The following EYS variants were observed in gnomAD, a reference collection of about 807,000 sequenced individuals.
EYS encodes the protein protein eyes shut homolog.
Under a neutral mutation model 282.1 loss-of-function variants are expected in EYS, and 250 were observed. The ratio of observed to expected loss-of-function variants is 0.89; its 90% CI spans 0.80 to 0.98. The LOEUF is 0.98. EYS is among the 50% of genes least tolerant of loss of function. EYS has a pLI of 0.00. For synonymous variants in EYS, 1,355 were observed against 1,282.9 expected (o/e 1.06, Z -1.20); for missense variants, 4,016 against 3,709.0 (o/e 1.08, Z -2.15).
intron 29 of EYS, among the ~76,000 whole-genome samples, chr6:64,374,323 G>T (rs905606152): frequency 6.6e-6 from 1 of 152,004 alleles, no homozygotes; most frequent in Non-Finnish European, 1.5e-5. Flanking sequence ...AGGCTTTGTG[G>T]CCCAAGGCTT....
At chr6:64,944,992 G>A (rs868182282) in intron 15 of EYS, among the ~76,000 whole-genome samples, 1 of 151,722 alleles carries the variant, frequency 6.6e-6, no homozygotes, top group African/African-American at 2.4e-5. Flanking sequence ...TTATCACCCT[G>A]CCCTCCTACT....
intron 22 of EYS, among the ~76,000 whole-genome samples, chr6:64,689,299 C>G (rs1770280780): frequency 6.6e-6 from 1 of 152,094 alleles, no homozygotes; most frequent in Admixed American, 6.6e-5. Context: ...GAACTACAAA[C>G]CACTGCTCAA....
At chr6:65,334,197 C>G (rs1342561199) in intron 11 of EYS, among the ~76,000 whole-genome samples, 2 of 151,420 alleles carry the variant, frequency 1.3e-5, no homozygotes, top group Admixed American at 6.6e-5. Flanking sequence ...GTATTTTTTT[C>G]ATTGTAATTA....
chr6:64,707,717 G>C (rs1330769393), intron 22 of EYS, among the ~76,000 whole-genome samples: 2 of 149,964 alleles, frequency 1.3e-5, no homozygotes, highest in African/African-American at 2.4e-5. Flanking sequence ...CACTGCTTGG[G>C]TGATGGATGC....
At chr6:65,396,258 T>C (rs1236148489) in intron 7 of EYS, among the ~76,000 whole-genome samples, 1 of 152,208 alleles carries the variant, frequency 6.6e-6, no homozygotes, top group East Asian at 1.9e-4. Flanking sequence ...GTATGCTCTA[T>C]ACTACCATAA....
intron 11 of EYS, among the ~76,000 whole-genome samples, chr6:65,314,895 C>T (rs190690088): frequency 6.6e-6 from 1 of 152,138 alleles, no homozygotes; most frequent in African/African-American, 2.4e-5. Context: ...TTCTCCAAAG[C>T]CTGGTCAAAA....
In EYS at chr6:64,306,529, A is replaced by T. The variant is rs535339500; in HGVS notation, c.6191+441T>A. ...CAAAGCCATGTTTGGAGATTTCTGT[A>T]TCCAGAAGCAGAGTCTGAAAGAAAT... On this transcript the variant is annotated intron_variant, in intron 30 of 42. Coordinates refer to ENST00000503581, the MANE Select transcript of EYS (RefSeq NM_001142800.2). Among the ~76,000 whole-genome samples the T allele has an allele frequency of 2.0e-5, 3 of 152,304 alleles. No homozygotes were observed. In the South Asian group the frequency reaches 6.2e-4, roughly 32 times the overall value.
intron 13 of EYS, among the ~76,000 whole-genome samples, chr6:65,047,230 T>C (rs1773132243): frequency 6.6e-6 from 1 of 151,846 alleles, no homozygotes; most frequent in South Asian, 2.1e-4. Flanking sequence ...TACCTCCAAA[T>C]TCCAGAGAAC....
chr6:63,968,110 A>G (rs1766389719), intron 35 of EYS, among the ~76,000 whole-genome samples: 1 of 152,178 alleles, frequency 6.6e-6, no homozygotes, highest in Non-Finnish European at 1.5e-5. Context: ...TATAATAAAG[A>G]AAGACCTTTG....
intron 28 of EYS, chr6:64,400,339 T>A (rs1773504052): frequency 6.6e-6 from 1 of 152,050 alleles, no homozygotes; most frequent in Non-Finnish European, 1.5e-5. Flanking sequence ...TGAAATAAAT[T>A]ACCCATTGTA....
intron 12 of EYS, among the ~76,000 whole-genome samples, chr6:65,280,755 C>T (rs1033303400): frequency 1.5e-4 from 22 of 151,496 alleles, no homozygotes; most frequent in Middle Eastern, 3.4e-3. Context: ...CAGTGGCTCA[C>T]GCCTGTAATC....
intron 2 of EYS, among the ~76,000 whole-genome samples, chr6:65,585,860 T>C (rs1765025670): frequency 6.6e-6 from 1 of 151,848 alleles, no homozygotes; most frequent in Admixed American, 6.6e-5. Flanking sequence ...TACTAAAAGG[T>C]TTAGTAACTA....
At chr6:64,547,991 C>T (rs563774433) in intron 26 of EYS, among the ~76,000 whole-genome samples, 1 of 152,364 alleles carries the variant, frequency 6.6e-6, no homozygotes, top group East Asian at 1.9e-4. Flanking sequence ...ACCAGCCAAG[C>T]CCATGCCCAC....
At chr6:64,640,554 C>T (rs1476390955) in intron 22 of EYS, among the ~76,000 whole-genome samples, 1 of 149,492 alleles carries the variant, frequency 6.7e-6, no homozygotes, top group Non-Finnish European at 1.5e-5. Flanking sequence ...GGTCATCACA[C>T]TCTGGGGACT....
At chr6:64,490,802 A>G (rs911896622) in intron 26 of EYS, among the ~76,000 whole-genome samples, 8 of 150,874 alleles carry the variant, frequency 5.3e-5, no homozygotes, top group Non-Finnish European at 1.2e-4. Flanking sequence ...ACAAATGGAC[A>G]GTGCTTGGAA....
chr6:63,792,671 A>G (rs1343458422), intron 37 of EYS, among the ~76,000 whole-genome samples: 5 of 152,014 alleles, frequency 3.3e-5, no homozygotes, highest in Non-Finnish European at 5.9e-5. Flanking sequence ...TTGAAGCTAG[A>G]TCCTAGAAAT....
intron 30 of EYS, among the ~76,000 whole-genome samples, chr6:64,256,575 G>C (rs1767409058): frequency 6.6e-6 from 1 of 151,988 alleles, no homozygotes; most frequent in Non-Finnish European, 1.5e-5. Flanking sequence ...AAAGACAAAG[G>C]AGCAGAAGAA....
At chr6:64,388,620 C>T in intron 29 of EYS, 70 bp downstream of exon 29, 1 of 1,342,676 alleles carries the variant, frequency 7.4e-7, no homozygotes, top group Non-Finnish European at 9.8e-7. Context: ...TTTTCTTTTT[C>T]ATTTATCAAT....
chr6:65,540,711 G>T (rs1388041630), intron 2 of EYS, among the ~76,000 whole-genome samples: 1 of 152,114 alleles, frequency 6.6e-6, no homozygotes, highest in African/African-American at 2.4e-5. Context: ...CTGAGGTCAG[G>T]AGTTCGAGAC....
Sources: gnomAD v4.1 joint callset for allele counts (sites outside exome capture counted in the v4.1 genomes callset) on GRCh38, gnomAD v4.1.1 for gene constraint, MANE v1.5 for transcripts, NCBI Gene and HGNC (gene_info 2026-07-23, HGNC 2026-07-21) for gene names.